Variants in PDS5A observed in about 807,000 individuals in gnomAD.
PDS5A encodes PDS5 cohesin associated factor A.
Under a neutral mutation model 167.1 loss-of-function variants are expected in PDS5A, and 42 were observed. The observed-to-expected ratio is 0.25, with a 90% CI of 0.20 to 0.33. The LOEUF is 0.33. PDS5A is among the 10% of genes least tolerant of loss of function. The pLI, the probability that PDS5A is intolerant of heterozygous loss-of-function variation, is 1.00. For synonymous variants in PDS5A, 553 were observed against 554.6 expected (o/e 1.00, Z 0.04); for missense variants, 1,033 against 1,605.9 (o/e 0.64, Z 6.10).
chr4:39,839,921 C>A, intron 31 of PDS5A, among the ~76,000 whole-genome samples: 1 of 151,800 alleles, frequency 6.6e-6, no homozygotes, highest in Non-Finnish European at 1.5e-5. Flanking sequence ...TGGTGAAACC[C>A]CGTCTCTACT....
At chr4:39,927,905 A>G in intron 3 of PDS5A, 56 bp downstream of exon 3, 1 of 1,163,190 alleles carries the variant, frequency 8.6e-7, no homozygotes, top group Non-Finnish European at 1.3e-6. Flanking sequence ...ATAAAAGTAT[A>G]CCTTCTGAAC....
At chr4:39,968,858 C>T (rs1488433781) in intron 2 of PDS5A, among the ~76,000 whole-genome samples, 2 of 151,788 alleles carry the variant, frequency 1.3e-5, no homozygotes, top group African/African-American at 4.8e-5. Flanking sequence ...TCACTGCAAC[C>T]TCTGCCTCCC....
intron 2 of PDS5A, chr4:39,973,944 T>C: frequency 1.8e-6 from 1 of 546,136 alleles, no homozygotes; most frequent in Non-Finnish European, 3.4e-6. Flanking sequence ...GCTAACACGG[T>C]GAAACCCGTC....
rs1261549637 is a variant in PDS5A, at chr4:39,910,287, A to G, written c.1044T>C (p.Ser348=). ...PVRLESVKFA[S]HCLMNHPDLA... ...AATCTGGGTGATTCATTAAACAATG[A>G]CTGGCAAATTTCACACTTTCTAATC... The change falls in exon 10 of 33, where the codon AGT becomes AGC. Residue 348 remains serine, a synonymous_variant. Transcript: ENST00000303538. 6.3e-7 allele frequency: 1 copy of G among 1,592,952 alleles called. No homozygotes were observed. Among genetic ancestry groups the G allele is most frequent in the East Asian group, 2.2e-5 (1 of 44,658 alleles).
chr4:39,914,810 T>G (rs1724206935), intron 8 of PDS5A, among the ~76,000 whole-genome samples: 2 of 152,104 alleles, frequency 1.3e-5, no homozygotes, highest in African/African-American at 4.8e-5. Context: ...TTTTTTTAGG[T>G]GTTCAAATAT....
intron 8 of PDS5A, among the ~76,000 whole-genome samples, chr4:39,915,453 A>G (rs1043053105): frequency 1.8e-4 from 26 of 142,494 alleles, no homozygotes; most frequent in African/African-American, 6.9e-4. Flanking sequence ...TCTGCCTTCC[A>G]GGCTCAAGCC....
rs1028616827 is a variant in PDS5A at position 39,898,632 on chromosome 4, A to C, written c.1631-104T>G. On this transcript the variant is annotated intron_variant, in intron 15 of 32. Coordinates refer to ENST00000303538, the MANE Select transcript of PDS5A (RefSeq NM_001100399.2). ...AAAATATTGCGGAGCCACTAAAAGAAAATCAGCCTAGCTGGTTCTTAGAAA... is the reference window on the plus strand; with the variant it reads ...AAAATATTGCGGAGCCACTAAAAGACAATCAGCCTAGCTGGTTCTTAGAAA... 1.6e-5 allele frequency: 15 copies of C among 947,350 alleles called. No individual in the cohort carries two copies. The African/African-American group carries it at 2.0e-4, about 13-fold the overall frequency. 58.7% of individuals were successfully genotyped at this position (947,350 alleles called of 1,614,324 possible).
At chr4:39,950,048 G>C (rs997902584) in intron 2 of PDS5A, among the ~76,000 whole-genome samples, 2 of 151,916 alleles carry the variant, frequency 1.3e-5, no homozygotes, top group Admixed American at 6.6e-5. Context: ...TGGGATTACA[G>C]GCATGCGCCA....
Position 39,940,333 on chromosome 4 carries a change from ATGAAGGAAGAAGCTTATGAT to A in PDS5A, c.139-12189_139-12170del, listed in dbSNP as rs538880682. Among the ~76,000 whole-genome samples, 147 of 152,298 alleles carry A rather than the reference ATGAAGGAAGAAGCTTATGAT, an allele frequency of 9.7e-4. 1 individual carries two copies. The highest frequency in any genetic ancestry group is 2.4e-3 in the Admixed American group (37 of 15,294). ...TAACATGGTAATGGAGGAATTACGA[ATGAAGGAAGAAGCTTATGAT>A]TGAGGGGAACACACAACTTCTGGGG... On this transcript the variant is annotated intron_variant, in intron 2 of 32. Coordinates refer to ENST00000303538, the MANE Select transcript of PDS5A (RefSeq NM_001100399.2).
chr4:39,833,191 C>CA (rs1166233113), intron 32 of PDS5A, among the ~76,000 whole-genome samples: 12,530 of 37,928 alleles, frequency 0.33, 3,256 homozygotes, highest in Non-Finnish European at 0.35. Context: ...AACTCCGTCT[C>CA]AAAAAAAAAA....
At chr4:39,940,714 C>T (rs547851244) in intron 2 of PDS5A, among the ~76,000 whole-genome samples, 2 of 116,656 alleles carry the variant, frequency 1.7e-5, no homozygotes, top group African/African-American at 3.9e-5. Flanking sequence ...CAGGCTGGAG[C>T]GCAGAGGCGC....
chr4:39,825,584 CT>C (rs200023345), intron 32 of PDS5A, 96 bp from the exon 33 acceptor site: 163,112 of 657,126 alleles, frequency 0.25, no homozygotes, highest in East Asian at 0.31. Flanking sequence ...TATCTAAAAT[CT>C]TTTTTTTTTT....
In PDS5A at chr4:39,879,837, TAA is replaced by T. The variant is rs776938923; in HGVS notation, c.1887-6_1887-5del. 7 of 1,540,552 alleles carry T rather than the reference TAA, an allele frequency of 4.5e-6. No individual in the cohort carries two copies. The East Asian group carries it at 1.4e-4, about 30-fold the overall frequency. On this transcript the variant is annotated splice_polypyrimidine_tract_variant and splice_region_variant and intron_variant, in intron 17 of 32. Coordinates refer to ENST00000303538, the MANE Select transcript of PDS5A (RefSeq NM_001100399.2). The stretch of plus-strand genomic sequence containing the variant: ...ATTCATCAATTTCACTAGTGCACTA[TAA>T]AAAGAAGAAAATATAAATCAGTAAC...
chr4:39,844,542 T>C, intron 30 of PDS5A, 114 bp downstream of exon 30: 1 of 734,520 alleles, frequency 1.4e-6, no homozygotes, highest in Non-Finnish European at 2.2e-6. Context: ...CAATATTATT[T>C]TGTACCAGAA....
rs1373941057 is a variant in PDS5A at position 39,863,340 on chromosome 4, A to G, written c.2762T>C (p.Ile921Thr). ...PEQFQLCALV[I>T]NDECYQVRQI... ...AAAAATAAGATTGTTACTTACATTA[A>G]TAACAAGTGCACAGAGCTGAAACTG... The change falls in exon 24 of 33, where the codon ATT (isoleucine) becomes ACT (threonine). Residue 921 changes from isoleucine (I) to threonine (T), a missense_variant. Ile to Thr is a moderately conservative substitution (Grantham distance 89, BLOSUM62 -1). Coordinates refer to ENST00000303538, the MANE Select transcript of PDS5A (RefSeq NM_001100399.2). The G allele has an allele frequency of 6.3e-7, 1 of 1,583,594 alleles. No individual in the cohort carries two copies. Among genetic ancestry groups the G allele is most frequent in the South Asian group, 1.2e-5 (1 of 85,526 alleles).
At chr4:39,871,553 AC>A (rs771211498) in intron 21 of PDS5A, among the ~76,000 whole-genome samples, 18 of 152,190 alleles carry the variant, frequency 1.2e-4, no homozygotes, top group Non-Finnish European at 2.4e-4. Flanking sequence ...GATTACCGAA[AC>A]ATGTGAGAGT....
At chr4:39,886,377 C>T (rs1402346200) in intron 17 of PDS5A, among the ~76,000 whole-genome samples, 1 of 152,050 alleles carries the variant, frequency 6.6e-6, no homozygotes, top group Admixed American at 6.6e-5. Flanking sequence ...ATAGATATTG[C>T]ATTTAATTTG....
rs573693993 is a variant in PDS5A at position 39,951,318 on chromosome 4, C to A, written c.139-23154G>T. 3.2e-4 allele frequency among the ~76,000 whole-genome samples: 49 copies of A among 152,302 alleles called. 1 individual carries two copies. The highest frequency in any genetic ancestry group is 1.1e-3 in the African/African-American group (44 of 41,578). On this transcript the variant is annotated intron_variant, in intron 2 of 32. Transcript: ENST00000303538. ...AGATGATAATTGCCAGATCTACTGT[C>A]TGGCATACATGGGGGCTGTGATAAA...
chr4:39,872,263 G>GC (rs2109571955), intron 21 of PDS5A, among the ~76,000 whole-genome samples: 1 of 143,848 alleles, frequency 7.0e-6, no homozygotes, highest in South Asian at 2.2e-4. Flanking sequence ...TGCAACCTCT[G>GC]CCTTCTGGGT....
Sources: allele counts gnomAD v4.1 joint callset (sites outside exome capture counted in the v4.1 genomes callset), GRCh38; gene constraint gnomAD v4.1.1; transcripts MANE v1.5; gene names NCBI Gene and HGNC (gene_info 2026-07-23, HGNC 2026-07-21).